MACROD2: variants seen among roughly 807,000 people sequenced by gnomAD.
MACROD2 encodes ADP-ribose glycohydrolase MACROD2.
Under a neutral mutation model 70.4 loss-of-function variants are expected in MACROD2, and 36 were observed. That is an observed-to-expected ratio of 0.51 (90% confidence interval 0.39 to 0.68). The LOEUF (loss-of-function observed/expected upper bound fraction) is 0.68, where lower values mean the gene tolerates loss of function less well. Among genes scored for constraint, MACROD2 ranks in the 30% least tolerant of loss-of-function variants. MACROD2 has a pLI of 0.00. For missense variants in MACROD2, 496 were observed against 538.4 expected, an observed-to-expected ratio of 0.92 and a Z score of 0.78; for synonymous variants, 172 against 178.8, an observed-to-expected ratio of 0.96 and a Z score of 0.30.
intron 8 of MACROD2, among the ~76,000 whole-genome samples, chr20:15,776,908 A>G (rs1022179821): frequency 6.6e-6 from 1 of 152,214 alleles, no homozygotes; most frequent in Non-Finnish European, 1.5e-5. Context: ...GATTGCAATC[A>G]CTATAAGTAC....
chr20:14,043,329 A>G lies in MACROD2; in HGVS notation c.163+40925A>G, dbSNP rs147303730. Among the ~76,000 whole-genome samples the G allele has an allele frequency of 7.2e-3, 1,096 of 152,304 alleles. 11 individuals carry two copies. Among genetic ancestry groups the G allele is most frequent in the African/African-American group, 0.024 (996 of 41,562 alleles). ...CTGAAGTGGCTTACAGAACACAGGG[A>G]TACACATTTACCAGTTTATTATAAA... On this transcript the variant is annotated intron_variant, in intron 2 of 17. Coordinates refer to ENST00000684519, the MANE Select transcript of MACROD2 (RefSeq NM_001351661.2).
Position 15,572,082 on chromosome 20 carries a change from A to C in MACROD2, c.645+72235A>C, listed in dbSNP as rs144866376. On this transcript the variant is annotated intron_variant, in intron 8 of 17. Coordinates refer to ENST00000684519, the MANE Select transcript of MACROD2 (RefSeq NM_001351661.2). The stretch of plus-strand genomic sequence containing the variant: ...AAGGAACCCATCATGTATGTTGGTA[A>C]ACACCCCTTTCACAAAATTTAAACT... 3.9e-4 allele frequency among the ~76,000 whole-genome samples: 59 copies of C among 152,250 alleles called. No homozygotes were observed. In the East Asian group the frequency reaches 0.011, roughly 29 times the overall value.
chr20:15,277,209 G>A (rs2146080366), intron 6 of MACROD2, among the ~76,000 whole-genome samples: 1 of 152,220 alleles, frequency 6.6e-6, no homozygotes, highest in East Asian at 1.9e-4. Context: ...ATATCTACTG[G>A]TAGAAGACAT....
intron 6 of MACROD2, among the ~76,000 whole-genome samples, chr20:15,292,243 G>A (rs6043177): frequency 0.05 from 7,616 of 152,062 alleles, 204 homozygotes; most frequent in African/African-American, 0.068. Context: ...TCCAACTCTG[G>A]TGCTTTGGAA....
intron 4 of MACROD2, among the ~76,000 whole-genome samples, chr20:14,525,979 A>G (rs2085226183): frequency 6.6e-6 from 1 of 152,184 alleles, no homozygotes; most frequent in African/African-American, 2.4e-5. Context: ...TATTTGCCAT[A>G]AAATTGATTT....
chr20:14,574,409 T>C (rs1600402330), intron 4 of MACROD2, among the ~76,000 whole-genome samples: 1 of 152,166 alleles, frequency 6.6e-6, no homozygotes, highest in African/African-American at 2.4e-5. Context: ...TCATCTAATA[T>C]ATGCTAAGGT....
chr20:15,306,114 G>T (rs2077695417), intron 6 of MACROD2, among the ~76,000 whole-genome samples: 1 of 152,108 alleles, frequency 6.6e-6, no homozygotes, highest in African/African-American at 2.4e-5. Context: ...CCAATTTAAT[G>T]ATCAGTTTTC....
intron 5 of MACROD2, among the ~76,000 whole-genome samples, chr20:14,901,172 T>G (rs1200338971): frequency 6.6e-6 from 1 of 152,062 alleles, no homozygotes; most frequent in East Asian, 1.9e-4. Flanking sequence ...ATATTTTAAC[T>G]TTTACTTATA....
chr20:14,765,405 G>A (rs570576398), intron 5 of MACROD2, among the ~76,000 whole-genome samples: 13 of 151,774 alleles, frequency 8.6e-5, no homozygotes, highest in South Asian at 2.1e-4. Context: ...GACTCTCCTC[G>A]CTGGCACACT....
At chr20:14,216,967 A>G (rs771883488) in intron 3 of MACROD2, among the ~76,000 whole-genome samples, 27 of 152,044 alleles carry the variant, frequency 1.8e-4, no homozygotes, top group Non-Finnish European at 2.5e-4. Context: ...TGACAGTTTT[A>G]TTTCCTATTT....
intron 3 of MACROD2, among the ~76,000 whole-genome samples, chr20:14,106,424 G>A (rs936068274): frequency 3.3e-5 from 5 of 152,282 alleles, no homozygotes; most frequent in African/African-American, 9.6e-5. Context: ...AACACATCAC[G>A]TAAATCTCTA....
intron 5 of MACROD2, among the ~76,000 whole-genome samples, chr20:15,055,544 A>G (rs1437310421): frequency 3.8e-4 from 58 of 152,190 alleles, no homozygotes; most frequent in Admixed American, 3.8e-3. Flanking sequence ...AATGACAGTG[A>G]AGAATTATAG....
At chr20:15,428,957 C>T (rs2046333200) in intron 6 of MACROD2, among the ~76,000 whole-genome samples, 1 of 152,006 alleles carries the variant, frequency 6.6e-6, no homozygotes, top group African/African-American at 2.4e-5. Flanking sequence ...AGTTTGCTCC[C>T]ATGGAATTCC....
At chr20:14,927,207 ATGT>A (rs1568880388) in intron 5 of MACROD2, among the ~76,000 whole-genome samples, 1 of 152,178 alleles carries the variant, frequency 6.6e-6, no homozygotes, top group East Asian at 1.9e-4. Context: ...AGGGGAAAAA[ATGT>A]TGTTACAGCT....
chr20:14,180,165 A>T (rs1032150161), intron 3 of MACROD2, among the ~76,000 whole-genome samples: 6 of 151,882 alleles, frequency 4.0e-5, no homozygotes, highest in Non-Finnish European at 8.8e-5. Flanking sequence ...TGTTCTCTAG[A>T]CTGTTATTGG....
intron 10 of MACROD2, among the ~76,000 whole-genome samples, chr20:15,899,277 T>C (rs2065027178): frequency 6.6e-6 from 1 of 152,104 alleles, no homozygotes; most frequent in African/African-American, 2.4e-5. Flanking sequence ...TATCTTTACA[T>C]ACATACAGAT....
chr20:14,700,193 C>T (rs1176681660), intron 5 of MACROD2, among the ~76,000 whole-genome samples: 2 of 151,888 alleles, frequency 1.3e-5, no homozygotes, highest in Non-Finnish European at 2.9e-5. Context: ...GAACTTTAAC[C>T]ATATTTTGTG....
intron 8 of MACROD2, among the ~76,000 whole-genome samples, chr20:15,834,916 A>G (rs978911445): frequency 2.0e-5 from 3 of 152,190 alleles, no homozygotes; most frequent in African/African-American, 7.2e-5. Context: ...TGAGGCCAAG[A>G]GAATATGGTA....
Position 14,833,028 on chromosome 20 carries a change from T to C in MACROD2, c.418+148069T>C, listed in dbSNP as rs187115783. On this transcript the variant is annotated intron_variant, in intron 5 of 17. Coordinates refer to ENST00000684519, the MANE Select transcript of MACROD2 (RefSeq NM_001351661.2). ...GGAAACATTGTGTGTCCACACTGTC[T>C]TCTGCCATAGCCACATGTAGCTGTT... is the stretch of plus-strand genomic sequence containing the variant. Among the ~76,000 whole-genome samples the C allele has an allele frequency of 7.2e-5, 11 of 152,318 alleles. No homozygotes were observed. The East Asian group carries it at 2.1e-3, about 29-fold the overall frequency.
Sources: allele counts gnomAD v4.1 joint callset (sites outside exome capture counted in the v4.1 genomes callset), GRCh38; gene constraint gnomAD v4.1.1; transcripts MANE v1.5; gene names NCBI Gene and HGNC (gene_info 2026-07-23, HGNC 2026-07-21).